EEPD1: variants seen among roughly 807,000 people sequenced by gnomAD.
EEPD1 encodes the protein endonuclease/exonuclease/phosphatase family domain-containing protein 1.
EEPD1 carries 17 observed loss-of-function variants against 46.3 expected under a neutral mutation model. The observed-to-expected ratio is 0.37, with a 90% CI of 0.25 to 0.55. The LOEUF is 0.55. Ranked by LOEUF, EEPD1 falls within the 20% of genes least tolerant of loss-of-function variation. EEPD1 has a pLI of 0.83. For synonymous variants in EEPD1, 313 were observed against 315.6 expected, an observed-to-expected ratio of 0.99 and a Z score of 0.09; for missense variants, 673 against 745.6, an observed-to-expected ratio of 0.90 and a Z score of 1.13.
chr7:36,218,457 T>C (rs905854067), intron 2 of EEPD1, among the ~76,000 whole-genome samples: 1 of 152,168 alleles, frequency 6.6e-6, no homozygotes, highest in Non-Finnish European at 1.5e-5. Flanking sequence ...GGTCTCTCTC[T>C]TTCTCAAAAC....
intron 2 of EEPD1, among the ~76,000 whole-genome samples, chr7:36,197,460 G>A (rs1303353172): frequency 6.6e-6 from 1 of 152,246 alleles, no homozygotes; most frequent in South Asian, 2.1e-4. Context: ...TAGCAGTTTT[G>A]TGGAATAGAA....
At chr7:36,211,335 A>G (rs1004251278) in intron 2 of EEPD1, among the ~76,000 whole-genome samples, 3 of 152,234 alleles carry the variant, frequency 2.0e-5, no homozygotes, top group African/African-American at 7.2e-5. Flanking sequence ...GAACAGCATA[A>G]TAACTCCAGA....
chr7:36,232,589 T>G (rs929919831), intron 2 of EEPD1, among the ~76,000 whole-genome samples: 3 of 150,922 alleles, frequency 2.0e-5, no homozygotes, highest in Non-Finnish European at 4.4e-5. Flanking sequence ...TATTTGGTAT[T>G]GGTTTTAGAG....
At chr7:36,259,636 A>G (rs1461424924) in intron 3 of EEPD1, among the ~76,000 whole-genome samples, 1 of 151,988 alleles carries the variant, frequency 6.6e-6, no homozygotes, top group Non-Finnish European at 1.5e-5. Context: ...CAGCCTCCCA[A>G]GTAGCTGGAA....
chr7:36,258,316 TGAG>T (rs1330760151), intron 3 of EEPD1, among the ~76,000 whole-genome samples: 2 of 152,190 alleles, frequency 1.3e-5, no homozygotes, highest in Non-Finnish European at 2.9e-5. Flanking sequence ...GGGACCCACT[TGAG>T]GAGGCAGTCT....
intron 2 of EEPD1, among the ~76,000 whole-genome samples, chr7:36,157,456 G>T (rs1784843611): frequency 6.6e-6 from 1 of 152,224 alleles, no homozygotes; most frequent in Non-Finnish European, 1.5e-5. Flanking sequence ...CTTGTCCAGT[G>T]TGAAGGTTGT....
chr7:36,231,140 G>C (rs564506239), intron 2 of EEPD1: 3 of 152,376 alleles, frequency 2.0e-5, no homozygotes, highest in African/African-American at 7.2e-5. Context: ...TGTGGTCCGT[G>C]TCCCATGCCG....
chr7:36,188,330 G>A (rs1224577490), intron 2 of EEPD1, among the ~76,000 whole-genome samples: 1 of 152,092 alleles, frequency 6.6e-6, no homozygotes, highest in East Asian at 1.9e-4. Flanking sequence ...GCCAGAAATG[G>A]GTAGAAAGAG....
At position 36,297,100 on chromosome 7, in the gene EEPD1, T is replaced by C. The variant is rs761116760; in HGVS notation, c.1423T>C (p.Phe475Leu). 8 of 1,614,222 alleles carry C rather than the reference T, an allele frequency of 5.0e-6. No individual in the cohort carries two copies. Among genetic ancestry groups the C allele is most frequent in the Non-Finnish European group, 6.8e-6 (8 of 1,180,048 alleles). ...CCACCACCTGATCCCCGCGCACACC[T>C]TCACCAACATCAGCACCAAGAACCC... ...KFHHLIPAHT[F>L]TNISTKNPQG... is the part of the protein sequence containing the mutation. Residue 475 changes from phenylalanine (F) to leucine (L), a missense_variant, in exon 7 of 8, where the codon TTC becomes CTC. Physicochemically the swap from Phe to Leu is conservative, Grantham distance 22. Transcript: ENST00000242108.
rs150680557 is a variant in EEPD1, at chr7:36,258,674, C to G, written c.930+19638C>G. ...TCAGTAATGACGGACGCCCCTCCCCCCACCAGCTCCAGCATCCCAGGTCGA... is the reference window on the plus strand; with the variant it reads ...TCAGTAATGACGGACGCCCCTCCCCGCACCAGCTCCAGCATCCCAGGTCGA... On this transcript the variant is annotated intron_variant, in intron 3 of 7. Coordinates refer to ENST00000242108, the MANE Select transcript of EEPD1 (RefSeq NM_030636.3). 3.3e-5 allele frequency among the ~76,000 whole-genome samples: 5 copies of G among 152,226 alleles called. No homozygotes were observed. The East Asian group carries it at 7.7e-4, about 24-fold the overall frequency.
At chr7:36,274,621 C>T (rs1337647133) in intron 3 of EEPD1, among the ~76,000 whole-genome samples, 6 of 152,022 alleles carry the variant, frequency 3.9e-5, no homozygotes, top group African/African-American at 7.2e-5. Flanking sequence ...AAATGTGTGC[C>T]GTGGTGATTT....
chr7:36,248,916 G>A (rs933296035), intron 3 of EEPD1, among the ~76,000 whole-genome samples: 8 of 151,300 alleles, frequency 5.3e-5, no homozygotes, highest in African/African-American at 1.7e-4. Context: ...CAAACTCAGT[G>A]CTCAGGGTCC....
In EEPD1 at chr7:36,300,765, C is replaced by G. The variant is rs543869671; in HGVS notation, c.*1559C>G. The G allele has an allele frequency of 6.6e-6, 1 of 152,122 alleles. No individual in the cohort carries two copies. Among genetic ancestry groups the G allele is most frequent in the Admixed American group, 6.5e-5 (1 of 15,272 alleles). The allele number at this position is 152,122 out of a possible 1,614,324, so 9.4% of individuals were successfully genotyped here. On this transcript the variant is annotated 3_prime_UTR_variant, in exon 8 of 8. Transcript: ENST00000242108. ...CAAGAAGCATCGCTGGTCTTGGGGACGGGAAGGGAACCCTCTTCCAGGAGC... is the reference window on the plus strand; with the variant it reads ...CAAGAAGCATCGCTGGTCTTGGGGAGGGGAAGGGAACCCTCTTCCAGGAGC...
rs569897457 is a variant in EEPD1, at chr7:36,260,477, T to C, written c.931-20638T>C. Among the ~76,000 whole-genome samples, 6 of 152,344 alleles carry C rather than the reference T, an allele frequency of 3.9e-5. No individual in the cohort carries two copies. The South Asian group carries it at 1.2e-3, about 32-fold the overall frequency. ...TATTGCTGGGGGCTGAAGGCCACCATATTTACTGAGTGTGGTATTTCACTT... is the reference window on the plus strand; with the variant it reads ...TATTGCTGGGGGCTGAAGGCCACCACATTTACTGAGTGTGGTATTTCACTT... On this transcript the variant is annotated intron_variant, in intron 3 of 7. Transcript: ENST00000242108.
chr7:36,163,883 GAAAAAA>G (rs11411037), intron 2 of EEPD1, among the ~76,000 whole-genome samples: 8 of 111,086 alleles, frequency 7.2e-5, no homozygotes, highest in East Asian at 3.0e-4. Context: ...ATCTCAGGAA[GAAAAAA>G]AAAAAAAAAA....
intron 7 of EEPD1, among the ~76,000 whole-genome samples, chr7:36,298,454 GT>G (rs1189306831): frequency 6.6e-6 from 1 of 152,140 alleles, no homozygotes; most frequent in Non-Finnish European, 1.5e-5. Flanking sequence ...TTCTGTAGTT[GT>G]TTTTGTAACT....
intron 2 of EEPD1, among the ~76,000 whole-genome samples, chr7:36,190,115 T>C (rs1204349095): frequency 6.6e-6 from 1 of 152,200 alleles, no homozygotes; most frequent in Non-Finnish European, 1.5e-5. Flanking sequence ...CTCACACCTA[T>C]AATCCCAACA....
chr7:36,271,048 G>A (rs778640815), intron 3 of EEPD1, among the ~76,000 whole-genome samples: 11 of 151,642 alleles, frequency 7.3e-5, no homozygotes, highest in Non-Finnish European at 1.2e-4. Flanking sequence ...GTGCAGTGGC[G>A]CAATCTCAGC....
intron 2 of EEPD1, among the ~76,000 whole-genome samples, chr7:36,204,922 A>G (rs1785784955): frequency 1.4e-4 from 22 of 152,212 alleles, no homozygotes; most frequent in Admixed American, 1.4e-3. Flanking sequence ...TGAATAAATT[A>G]TGGCCACTGC....
Sources: gnomAD v4.1 joint callset for allele counts (sites outside exome capture counted in the v4.1 genomes callset) on GRCh38, gnomAD v4.1.1 for gene constraint, MANE v1.5 for transcripts, NCBI Gene and HGNC (gene_info 2026-07-23, HGNC 2026-07-21) for gene names.